Variants in NCAPH2 observed in about 807,000 individuals in gnomAD.
The protein encoded by NCAPH2 is non-SMC condensin II complex subunit H2, also known as condensin-2 complex subunit H2.
In NCAPH2, 56 loss-of-function variants were observed where a neutral mutation model predicts 88.6. The ratio of observed to expected loss-of-function variants is 0.63; its 90% CI spans 0.51 to 0.79. The LOEUF (loss-of-function observed/expected upper bound fraction) is 0.79, where lower values mean the gene tolerates loss of function less well. Ranked by LOEUF, NCAPH2 falls within the 30% of genes least tolerant of loss-of-function variation. The pLI is 0.00. For synonymous variants in NCAPH2, 378 were observed against 313.6 expected (o/e 1.21, Z -2.17); for missense variants, 794 against 792.0 (o/e 1.00, Z -0.03).
chr22:50,519,851 AC>A, intron 9 of NCAPH2: 1 of 754,542 alleles, frequency 1.3e-6, no homozygotes, highest in Non-Finnish European at 1.6e-6. Flanking sequence ...GAAGAAGAGT[AC>A]CCCGTGACCA....
At chr22:50,515,761 G>A in intron 1 of NCAPH2, 1 of 1,301,588 alleles carries the variant, frequency 7.7e-7, no homozygotes, top group Non-Finnish European at 1.0e-6. Flanking sequence ...AGCCAGCGTT[G>A]GGGAAGATGT....
intron 1 of NCAPH2, among the ~76,000 whole-genome samples, chr22:50,513,639 G>A (rs2068844127): frequency 6.6e-6 from 1 of 152,244 alleles, no homozygotes; most frequent in African/African-American, 2.4e-5. Flanking sequence ...GTGCATGCCT[G>A]TAGTCCCAGT....
intron 1 of NCAPH2, among the ~76,000 whole-genome samples, chr22:50,510,947 C>T (rs148674269): frequency 4.5e-4 from 66 of 146,560 alleles, no homozygotes; most frequent in African/African-American, 1.4e-3. Flanking sequence ...TCTGGGTTCA[C>T]GCCATTTTCC....
At position 50,524,540 on chromosome 22, in the gene NCAPH2, TA is replaced by T; in HGVS notation, c.*1167del. 1 of 927,002 alleles carries T rather than the reference TA, an allele frequency of 1.1e-6. No homozygotes were observed. Among genetic ancestry groups the T allele is most frequent in the Non-Finnish European group, 1.7e-6 (1 of 577,184 alleles). The allele number at this position is 927,002 out of a possible 1,614,324, so 57.4% of individuals were successfully genotyped here. A position where few individuals can be genotyped will look rare whatever the true frequency, so the allele number is the denominator to read the frequency against. ...GAAGGACCCAGCCCACGTTCAGGCTTAACAGGCATTTGCAGCTGCTCACCTG... is the reference window on the plus strand; with the variant it reads ...GAAGGACCCAGCCCACGTTCAGGCTTACAGGCATTTGCAGCTGCTCACCTG... On this transcript the variant is annotated 3_prime_UTR_variant, in exon 20 of 20. Transcript: ENST00000420993.
chr22:50,516,575 G>T, intron 2 of NCAPH2, 27 bp downstream of exon 2: 1 of 1,607,790 alleles, frequency 6.2e-7, no homozygotes. Flanking sequence ...GCTGGTCTTG[G>T]CATTTTGGTG....
chr22:50,520,701 G>C (rs2069062541), intron 9 of NCAPH2: 1 of 419,480 alleles, frequency 2.4e-6, no homozygotes, highest in African/African-American at 2.0e-5. Context: ...TGGGATTACA[G>C]GTGTGCGCCA....
At chr22:50,513,668 A>G (rs1398392391) in intron 1 of NCAPH2, among the ~76,000 whole-genome samples, 1 of 152,254 alleles carries the variant, frequency 6.6e-6, no homozygotes, top group Non-Finnish European at 1.5e-5. Context: ...AGGCTGAGGC[A>G]GGAAAATCAC....
intron 1 of NCAPH2, among the ~76,000 whole-genome samples, chr22:50,509,824 T>A (rs560568875): frequency 6.6e-6 from 1 of 152,354 alleles, no homozygotes; most frequent in Non-Finnish European, 1.5e-5. Flanking sequence ...CTGTTTTGTA[T>A]CTTGTTCTTT....
intron 1 of NCAPH2, among the ~76,000 whole-genome samples, chr22:50,514,845 C>T (rs532923563): frequency 1.3e-5 from 2 of 152,342 alleles, no homozygotes; most frequent in South Asian, 4.1e-4. Context: ...TCTGCCACTC[C>T]TTCGTGCTAC....
At chr22:50,513,604 C>T (rs1235083301) in intron 1 of NCAPH2, among the ~76,000 whole-genome samples, 1 of 152,044 alleles carries the variant, frequency 6.6e-6, no homozygotes, top group Non-Finnish European at 1.5e-5. Flanking sequence ...GCTAAAAGTA[C>T]AAAAAAAATT....
Position 50,523,189 on chromosome 22 carries a change from G to A in NCAPH2, c.1677+23G>A, listed in dbSNP as rs1236294805. ...CTGGTGAGTAGCCTGGGATACGTGG[G>A]AGGGGGAGACGGTCCCCAGACCCTG... On this transcript the variant is annotated intron_variant, in intron 19 of 19. Transcript: ENST00000420993. 1.9e-6 allele frequency: 3 copies of A among 1,613,656 alleles called. No individual in the cohort carries two copies. The African/African-American group carries it at 4.0e-5, about 22-fold the overall frequency.
intron 1 of NCAPH2, among the ~76,000 whole-genome samples, chr22:50,514,848 C>T (rs763765336): frequency 3.9e-5 from 6 of 152,336 alleles, no homozygotes; most frequent in Middle Eastern, 3.4e-3. Flanking sequence ...GCCACTCCTT[C>T]GTGCTACCAT....
intron 1 of NCAPH2, among the ~76,000 whole-genome samples, chr22:50,509,719 A>C (rs1359856534): frequency 6.6e-6 from 1 of 152,174 alleles, no homozygotes; most frequent in Admixed American, 6.5e-5. Flanking sequence ...TCTGCCTAAA[A>C]TCAACCCCTC....
In NCAPH2 at chr22:50,522,429, A is replaced by C; in HGVS notation, c.1306+14A>C. 1 of 1,611,018 alleles carries C rather than the reference A, an allele frequency of 6.2e-7. No homozygotes were observed. The highest frequency in any genetic ancestry group is 2.2e-5 in the East Asian group (1 of 44,810). ...TGGGGGCAGCAGGTGGGTGCCTGCC[A>C]GGGGGTGGGGTGGGGCTTGGCACCT... On this transcript the variant is annotated intron_variant, in intron 15 of 19. Transcript: ENST00000420993.
Position 50,521,765 on chromosome 22 carries a change from G to C in NCAPH2, c.1025G>C (p.Cys342Ser). ...KKGRPYSVPP[C>S]VEEALGQKRK... ...GGTAGGCCTTACTCTGTGCCCCCCT[G>C]TGTGGAGGAGGCTCTGGGACAGAAG... Residue 342 changes from cysteine to serine, a missense_variant, in exon 12 of 20, where the codon TGT (cysteine) becomes TCT (serine). Around this residue, in one of 2 missense-constraint regions of NCAPH2, gnomAD observed 735 missense variants for 696.3 expected, o/e 1.06. Coordinates refer to ENST00000420993, the MANE Select transcript of NCAPH2 (RefSeq NM_152299.4). 6.2e-7 allele frequency: 1 copy of C among 1,613,966 alleles called. No individual in the cohort carries two copies. The highest frequency in any genetic ancestry group is 1.1e-5 in the South Asian group (1 of 91,086).
intron 1 of NCAPH2, among the ~76,000 whole-genome samples, chr22:50,515,301 C>T (rs2068884709): frequency 6.6e-6 from 1 of 152,182 alleles, no homozygotes; most frequent in African/African-American, 2.4e-5. Flanking sequence ...TGGTGCATGC[C>T]TGTGATCCCA....
At chr22:50,515,565 T>C (rs554726968) in intron 1 of NCAPH2, among the ~76,000 whole-genome samples, 304 of 152,012 alleles carry the variant, frequency 2.0e-3, no homozygotes, top group Non-Finnish European at 3.4e-3. Flanking sequence ...CCCAGCTAAT[T>C]TTTTGTATTT....
intron 2 of NCAPH2, 129 bp from the exon 3 acceptor site, chr22:50,517,298 T>G (rs749678153): frequency 4.1e-4 from 372 of 909,948 alleles, no homozygotes; most frequent in Non-Finnish European, 5.8e-4. Context: ...GAACCAAAAT[T>G]GGTGGTTTCT....
chr22:50,508,279 A>T lies in NCAPH2; in HGVS notation c.-59A>T. ...CGCCAGAACTAGTGGCGGGCTGAGG[A>T]CGCCGTACCCCTCGGAAGGCAGCCC... On this transcript the variant is annotated 5_prime_UTR_variant, in exon 1 of 20. Coordinates refer to ENST00000420993, the MANE Select transcript of NCAPH2 (RefSeq NM_152299.4). 3.9e-6 allele frequency: 5 copies of T among 1,280,836 alleles called. No individual in the cohort carries two copies. Among genetic ancestry groups the T allele is most frequent in the Admixed American group, 7.0e-5 (2 of 28,662 alleles). 79.3% of individuals were successfully genotyped at this position (1,280,836 alleles called of 1,614,324 possible).
Sources: gnomAD v4.1 joint callset for allele counts (sites outside exome capture counted in the v4.1 genomes callset) on GRCh38, gnomAD v4.1.1 for gene constraint, gnomAD v4.1.1 regional missense constraint, MANE v1.5 for transcripts, NCBI Gene and HGNC (gene_info 2026-07-23, HGNC 2026-07-21) for gene names.